Variants in A2M observed in about 807,000 individuals in gnomAD.
A2M encodes C3 and PZP-like alpha-2-macroglobulin domain-containing protein 5.
In A2M, 128 loss-of-function variants were observed where a neutral mutation model predicts 183.9. The ratio of observed to expected loss-of-function variants is 0.70; its 90% CI spans 0.60 to 0.81. The LOEUF is 0.81. Among genes scored for constraint, A2M ranks in the 30% least tolerant of loss-of-function variants. The probability of loss-of-function intolerance (pLI) is 0.00; values close to 1 mark genes in which losing one functional copy is unlikely to be tolerated. For synonymous variants in A2M, 592 were observed against 670.8 expected (o/e 0.88, Z 1.81); for missense variants, 1,495 against 1,787.6 (o/e 0.84, Z 2.95).
chr12:9,074,865 A>G, intron 28 of A2M, 82 bp from the exon 29 acceptor site: 2 of 1,371,822 alleles, frequency 1.5e-6, no homozygotes, highest in African/African-American at 1.5e-5. Context: ...CCAGTGCTGA[A>G]ATGAGAATTG....
chr12:9,114,285 C>T (rs965237516), intron 1 of A2M, among the ~76,000 whole-genome samples: 1 of 152,130 alleles, frequency 6.6e-6, no homozygotes, highest in Non-Finnish European at 1.5e-5. Context: ...TAAGATCAAC[C>T]CTGTAGTTTT....
chr12:9,092,947 T>C (rs755149742), intron 18 of A2M, among the ~76,000 whole-genome samples: 3 of 152,208 alleles, frequency 2.0e-5, no homozygotes, highest in African/African-American at 7.2e-5. Flanking sequence ...ATCCTGCCAC[T>C]TGTGACAACA....
At chr12:9,078,051 T>G (rs1030756939) in intron 25 of A2M, among the ~76,000 whole-genome samples, 194 bp from the exon 26 acceptor site, 3 of 152,200 alleles carry the variant, frequency 2.0e-5, no homozygotes, top group African/African-American at 7.2e-5. Context: ...ACTCTCTCTT[T>G]GCCACAGGGA....
Position 9,104,388 on chromosome 12 carries a change from C to A in A2M, c.1117G>T (p.Asp373Tyr). The change falls in exon 11 of 36, where the codon GAT (aspartate) becomes TAT (tyrosine). Residue 373 changes from aspartate (D) to tyrosine (Y), a missense_variant. Asp to Tyr is a radical substitution (Grantham distance 160). Transcript: ENST00000318602. The part of the protein sequence containing the change: ...IPFFGQVRLV[D>Y]GKGVPIPNKV... ...TTTGGTATAGGGACGCCTTTCCCATCTACTAGGCGCACCTGAAGATTAAAA... is the reference window on the plus strand; with the variant it reads ...TTTGGTATAGGGACGCCTTTCCCATATACTAGGCGCACCTGAAGATTAAAA... 2 of 1,588,164 alleles carry A rather than the reference C, an allele frequency of 1.3e-6. No individual in the cohort carries two copies. The highest frequency in any genetic ancestry group is 1.1e-5 in the South Asian group (1 of 87,274).
At chr12:9,071,646 A>C (rs1438951766) in intron 31 of A2M, among the ~76,000 whole-genome samples, 1 of 152,066 alleles carries the variant, frequency 6.6e-6, no homozygotes, top group Non-Finnish European at 1.5e-5. Context: ...TTTTGTGTCC[A>C]TATGTTCTCA....
At chr12:9,084,986 T>C (rs1949013751) in intron 22 of A2M, among the ~76,000 whole-genome samples, 1 of 152,136 alleles carries the variant, frequency 6.6e-6, no homozygotes, top group African/African-American at 2.4e-5. Context: ...GATATAACAA[T>C]TGTAAATCTA....
chr12:9,086,334 C>T (rs1349821187), intron 22 of A2M, among the ~76,000 whole-genome samples: 1 of 152,120 alleles, frequency 6.6e-6, no homozygotes, highest in African/African-American at 2.4e-5. Flanking sequence ...TCAAGTCCAG[C>T]CTGGGGAACA....
chr12:9,074,003 G>T (rs1231288811), intron 29 of A2M, among the ~76,000 whole-genome samples: 1 of 150,394 alleles, frequency 6.6e-6, no homozygotes, highest in Non-Finnish European at 1.5e-5. Context: ...CACTAGAATC[G>T]CTTGAACCTG....
At chr12:9,102,452 G>A (rs1417740796) in intron 11 of A2M, among the ~76,000 whole-genome samples, 1 of 152,100 alleles carries the variant, frequency 6.6e-6, no homozygotes, top group Non-Finnish European at 1.5e-5. Context: ...CTGGCCTCAC[G>A]CAATCCACCC....
intron 12 of A2M, 40 bp downstream of exon 12, chr12:9,101,407 T>C (rs1356063067): frequency 1.3e-6 from 2 of 1,534,530 alleles, no homozygotes; most frequent in East Asian, 2.3e-5. Context: ...CAGAGAGCTT[T>C]TGTCTACAGT....
intron 2 of A2M, among the ~76,000 whole-genome samples, 164 bp downstream of exon 2, chr12:9,113,196 T>A (rs1938876379): frequency 6.6e-6 from 1 of 151,368 alleles, no homozygotes; most frequent in African/African-American, 2.4e-5. Flanking sequence ...CTCCCATGGC[T>A]GGAGAGTCAT....
chr12:9,097,782 G>A (rs1366769101), intron 15 of A2M, among the ~76,000 whole-genome samples: 6 of 151,974 alleles, frequency 3.9e-5, no homozygotes, highest in African/African-American at 1.4e-4. Flanking sequence ...ACAGGCGCCC[G>A]CCACCACGTC....
intron 8 of A2M, among the ~76,000 whole-genome samples, chr12:9,107,319 G>A (rs898460598): frequency 3.3e-5 from 5 of 152,154 alleles, no homozygotes; most frequent in East Asian, 1.9e-4. Context: ...AGTGTCTATC[G>A]TTCTGAAACA....
chr12:9,070,472 GT>G lies in A2M; in HGVS notation c.4194+15del. ...ATTAAATAAAATAGGGCAGTCTGGG[GT>G]TATGATAAACCTACCATTTTCACTG... is the stretch of plus-strand genomic sequence containing the variant. On this transcript the variant is annotated intron_variant, in intron 32 of 35. Transcript: ENST00000318602. 6.3e-7 allele frequency: 1 copy of G among 1,582,036 alleles called. No homozygotes were observed. The highest frequency in any genetic ancestry group is 8.7e-7 in the Non-Finnish European group (1 of 1,151,388).
At chr12:9,079,517 A>T in intron 24 of A2M, 122 bp downstream of exon 24, 1 of 1,101,958 alleles carries the variant, frequency 9.1e-7, no homozygotes, top group Admixed American at 2.3e-5. Context: ...GAAATTAACT[A>T]TCATAGCAGC....
At chr12:9,107,475 C>G in intron 8 of A2M, 49 bp downstream of exon 8, 1 of 1,599,712 alleles carries the variant, frequency 6.3e-7, no homozygotes, top group Non-Finnish European at 8.5e-7. Context: ...CACTGCTTTT[C>G]AACAATGCCT....
chr12:9,111,262 GT>G (rs1938704952), intron 4 of A2M, among the ~76,000 whole-genome samples: 1 of 152,126 alleles, frequency 6.6e-6, no homozygotes. Context: ...AATAAACCAT[GT>G]TTTAATGGAG....
intron 15 of A2M, 129 bp from the exon 16 acceptor site, chr12:9,095,829 G>T: frequency 1.4e-6 from 1 of 694,948 alleles, no homozygotes; most frequent in Non-Finnish European, 2.1e-6. Flanking sequence ...GCGCAATCTC[G>T]GCTCACTGCA....
At chr12:9,096,382 G>A (rs901524507) in intron 15 of A2M, among the ~76,000 whole-genome samples, 4 of 152,132 alleles carry the variant, frequency 2.6e-5, no homozygotes, top group African/African-American at 9.7e-5. Flanking sequence ...ATGATAGAAG[G>A]AAATGATAGT....
Sources: allele counts gnomAD v4.1 joint callset (sites outside exome capture counted in the v4.1 genomes callset), GRCh38; gene constraint gnomAD v4.1.1; transcripts MANE v1.5; gene names NCBI Gene and HGNC (gene_info 2026-07-23, HGNC 2026-07-21).